ADAMTS3: variants seen among roughly 807,000 people sequenced by gnomAD.
ADAMTS3 encodes ADAM metallopeptidase with thrombospondin type 1 motif 3.
ADAMTS3 carries 73 observed loss-of-function variants against 129.0 expected under a neutral mutation model. That is an observed-to-expected ratio of 0.57 (90% CI 0.47 to 0.69). The LOEUF is 0.69. Ranked by LOEUF, ADAMTS3 falls within the 30% of genes least tolerant of loss-of-function variation. The pLI is 0.00. For synonymous variants in ADAMTS3, 477 were observed against 510.8 expected, an observed-to-expected ratio of 0.93 and a Z score of 0.89; for missense variants, 1,457 against 1,514.5, an observed-to-expected ratio of 0.96 and a Z score of 0.63.
At chr4:72,496,395 A>G (rs1488890362) in intron 3 of ADAMTS3, among the ~76,000 whole-genome samples, 2 of 152,182 alleles carry the variant, frequency 1.3e-5, no homozygotes, top group African/African-American at 4.8e-5. Flanking sequence ...TATCCTGACC[A>G]TGGCATTCAG....
Position 72,290,841 on chromosome 4 carries a change from A to G in ADAMTS3, c.2931+14T>C, listed in dbSNP as rs1718637912. On this transcript the variant is annotated intron_variant, in intron 20 of 21. Coordinates refer to ENST00000286657, the MANE Select transcript of ADAMTS3 (RefSeq NM_014243.3). ...CACACTTTACTTATGCATGCACGGA[A>G]TTCACACACCTACCTCACTCCAGGG... 6.2e-7 allele frequency: 1 copy of G among 1,613,030 alleles called. No homozygotes were observed. Among genetic ancestry groups the G allele is most frequent in the East Asian group, 2.2e-5 (1 of 44,800 alleles).
intron 3 of ADAMTS3, among the ~76,000 whole-genome samples, chr4:72,508,814 C>A (rs903803684): frequency 1.3e-5 from 2 of 152,040 alleles, no homozygotes; most frequent in African/African-American, 4.8e-5. Context: ...CAGAACATTT[C>A]ATCCAAGAGC....
chr4:72,528,093 A>T (rs1209398886), intron 3 of ADAMTS3, among the ~76,000 whole-genome samples: 1 of 152,150 alleles, frequency 6.6e-6, no homozygotes, highest in Non-Finnish European at 1.5e-5. Flanking sequence ...TGCTCACAGA[A>T]CTACAAGTTG....
intron 4 of ADAMTS3, among the ~76,000 whole-genome samples, chr4:72,342,359 CTTTT>C (rs58586015): frequency 2.8e-4 from 36 of 127,208 alleles, no homozygotes; most frequent in Non-Finnish European, 3.1e-4. Flanking sequence ...TCCCCAATTA[CTTTT>C]TTTTTTTTTT....
At chr4:72,305,555 T>C (rs1719061537) in intron 16 of ADAMTS3, among the ~76,000 whole-genome samples, 1 of 151,976 alleles carries the variant, frequency 6.6e-6, no homozygotes, top group African/African-American at 2.4e-5. Context: ...GCTTGTCAAA[T>C]GATTTTTCCC....
intron 21 of ADAMTS3, among the ~76,000 whole-genome samples, chr4:72,288,499 T>C (rs1361011346): frequency 1.3e-5 from 2 of 152,214 alleles, no homozygotes; most frequent in African/African-American, 2.4e-5. Flanking sequence ...TACATATACA[T>C]GGCACAGCCC....
intron 2 of ADAMTS3, among the ~76,000 whole-genome samples, chr4:72,563,838 C>A (rs1578799398): frequency 6.6e-6 from 1 of 152,192 alleles, no homozygotes; most frequent in Non-Finnish European, 1.5e-5. Context: ...TATTTGAGGA[C>A]CCACAAGCTA....
chr4:72,520,873 T>C (rs916663367), intron 3 of ADAMTS3, among the ~76,000 whole-genome samples: 4 of 152,040 alleles, frequency 2.6e-5, no homozygotes, highest in Admixed American at 6.5e-5. Flanking sequence ...TGTTTGGCAC[T>C]GCCTAGTGAG....
chr4:72,466,838 G>A (rs1210925351), intron 3 of ADAMTS3, among the ~76,000 whole-genome samples: 1 of 151,858 alleles, frequency 6.6e-6, no homozygotes, highest in Admixed American at 6.6e-5. Context: ...TGTAATTTAG[G>A]GTCAGATAGA....
intron 17 of ADAMTS3, among the ~76,000 whole-genome samples, chr4:72,299,977 C>A (rs1718909279): frequency 6.6e-6 from 1 of 152,040 alleles, no homozygotes; most frequent in South Asian, 2.1e-4. Flanking sequence ...ACTGATTATG[C>A]AAAGAGAGAA....
intron 3 of ADAMTS3, among the ~76,000 whole-genome samples, chr4:72,421,097 A>G (rs929927375): frequency 2.6e-5 from 4 of 152,230 alleles, no homozygotes; most frequent in Admixed American, 6.5e-5. Context: ...AAACTGTCAT[A>G]TAGGAAATTC....
At chr4:72,550,208 G>A (rs536998807) in intron 2 of ADAMTS3, among the ~76,000 whole-genome samples, 61 of 151,922 alleles carry the variant, frequency 4.0e-4, no homozygotes, top group African/African-American at 1.4e-3. Context: ...GTGTTAAAGT[G>A]CCCTAAAAAA....
At chr4:72,429,720 T>C (rs1384632323) in intron 3 of ADAMTS3, among the ~76,000 whole-genome samples, 1 of 152,024 alleles carries the variant, frequency 6.6e-6, no homozygotes, top group Non-Finnish European at 1.5e-5. Context: ...GGCTTAAAAT[T>C]AGTAGTGACA....
At chr4:72,449,235 T>TA (rs1718333144) in intron 3 of ADAMTS3, among the ~76,000 whole-genome samples, 5 of 151,572 alleles carry the variant, frequency 3.3e-5, no homozygotes, top group Admixed American at 3.3e-4. Context: ...TTTTAACACC[T>TA]AAATCTGTAC....
At chr4:72,362,667 C>T (rs952158903) in intron 4 of ADAMTS3, among the ~76,000 whole-genome samples, 7 of 152,038 alleles carry the variant, frequency 4.6e-5, no homozygotes, top group African/African-American at 1.7e-4. Context: ...ACTTTGGTTC[C>T]TTCTAACATT....
intron 5 of ADAMTS3, among the ~76,000 whole-genome samples, chr4:72,325,533 A>G (rs148612169): frequency 2.0e-3 from 298 of 152,318 alleles, no homozygotes; most frequent in African/African-American, 7.0e-3. Context: ...GGCTTTGCAC[A>G]CCAAGTTATA....
intron 3 of ADAMTS3, among the ~76,000 whole-genome samples, chr4:72,494,624 C>A (rs1291926498): frequency 6.6e-6 from 1 of 152,168 alleles, no homozygotes; most frequent in Non-Finnish European, 1.5e-5. Context: ...TTGGTGATAT[C>A]ATGTTTAGCT....
chr4:72,538,818 A>G (rs922699772), intron 3 of ADAMTS3, among the ~76,000 whole-genome samples: 7 of 152,182 alleles, frequency 4.6e-5, no homozygotes, highest in Non-Finnish European at 8.8e-5. Context: ...AGATAAACAT[A>G]TGCAGCAGTG....
At position 72,326,942 on chromosome 4, in the gene ADAMTS3, T is replaced by C. The variant is rs950667832; in HGVS notation, c.862-3845A>G. Among the ~76,000 whole-genome samples the C allele has an allele frequency of 1.4e-4, 21 of 152,296 alleles. No homozygotes were observed. In the East Asian group the frequency reaches 3.7e-3, roughly 27 times the overall value. On this transcript the variant is annotated intron_variant, in intron 5 of 21. Transcript: ENST00000286657. ...GAGGGGCAAAGGACAAGCTGCTTCA[T>C]ACACCTGAATGTGCTTACATACCAG... is the stretch of plus-strand genomic sequence containing the variant.
Sources: allele counts gnomAD v4.1 joint callset (sites outside exome capture counted in the v4.1 genomes callset), GRCh38; gene constraint gnomAD v4.1.1; transcripts MANE v1.5; gene names NCBI Gene and HGNC (gene_info 2026-07-23, HGNC 2026-07-21).